CDH18: variants seen among roughly 807,000 people sequenced by gnomAD.
The protein encoded by CDH18 is cadherin 18.
In CDH18, 31 loss-of-function variants were observed where a neutral mutation model predicts 67.9. That is an observed-to-expected ratio of 0.46 (90% CI 0.34 to 0.62). CDH18 has a LOEUF of 0.62. Among genes scored for constraint, CDH18 ranks in the 20% least tolerant of loss-of-function variants. The probability of loss-of-function intolerance (pLI) is 0.01; values close to 1 mark genes in which losing one functional copy is unlikely to be tolerated. For synonymous variants in CDH18, 362 were observed against 347.2 expected (o/e 1.04, Z -0.48); for missense variants, 890 against 975.5 (o/e 0.91, Z 1.17).
At chr5:20,101,336 A>G (rs971876285) in intron 2 of CDH18, among the ~76,000 whole-genome samples, 3 of 152,220 alleles carry the variant, frequency 2.0e-5, no homozygotes, top group African/African-American at 4.8e-5. Flanking sequence ...TGCAACCAAT[A>G]AGAATCATTG....
intron 2 of CDH18, among the ~76,000 whole-genome samples, chr5:20,216,903 T>C (rs1259036303): frequency 1.3e-5 from 2 of 151,904 alleles, no homozygotes; most frequent in East Asian, 3.9e-4. Flanking sequence ...AAAAATAACA[T>C]ACAAAGAAAT....
chr5:20,460,191 G>A (rs901584977), intron 1 of CDH18, among the ~76,000 whole-genome samples: 1 of 151,866 alleles, frequency 6.6e-6, no homozygotes, highest in Admixed American at 6.6e-5. Context: ...TCAAGAGATC[G>A]AGACCATCCT....
chr5:20,330,569 A>G (rs1489309557), intron 1 of CDH18, among the ~76,000 whole-genome samples: 1 of 152,184 alleles, frequency 6.6e-6, no homozygotes, highest in Non-Finnish European at 1.5e-5. Context: ...GGCAGAGTTT[A>G]ACTGGTATAT....
At chr5:20,212,156 C>T (rs34747085) in intron 2 of CDH18, among the ~76,000 whole-genome samples, 77,440 of 151,860 alleles carry the variant, frequency 0.51, 20,132 homozygotes, top group Middle Eastern at 0.65. Context: ...GTAGCTGATT[C>T]GATCAACTGG....
At chr5:20,300,962 TA>T (rs1290898364) in intron 1 of CDH18, among the ~76,000 whole-genome samples, 2 of 152,040 alleles carry the variant, frequency 1.3e-5, no homozygotes, top group African/African-American at 2.4e-5. Flanking sequence ...TCATTCACTT[TA>T]AAAAAAATTG....
At chr5:19,746,809 C>T in intron 4 of CDH18, 133 bp downstream of exon 4, 2 of 726,320 alleles carry the variant, frequency 2.8e-6, no homozygotes, top group South Asian at 3.9e-5. Context: ...ACAAAAAATA[C>T]TAAAATATTT....
chr5:19,797,508 A>C (rs1380850316), intron 3 of CDH18, among the ~76,000 whole-genome samples: 3 of 152,018 alleles, frequency 2.0e-5, no homozygotes, highest in Non-Finnish European at 4.4e-5. Flanking sequence ...ACAAGTTGGT[A>C]GGATAGAAGA....
At chr5:19,953,948 C>CA (rs1796030417) in intron 2 of CDH18, among the ~76,000 whole-genome samples, 1 of 152,022 alleles carries the variant, frequency 6.6e-6, no homozygotes, top group Admixed American at 6.6e-5. Context: ...TATATTTTCA[C>CA]AAAAAAGTTG....
At chr5:19,975,739 T>C (rs551778307) in intron 2 of CDH18, among the ~76,000 whole-genome samples, 48 of 152,198 alleles carry the variant, frequency 3.2e-4, no homozygotes, top group Non-Finnish European at 5.6e-4. Flanking sequence ...TACTTTTTCA[T>C]TTTAAATGTT....
intron 12 of CDH18, among the ~76,000 whole-genome samples, chr5:19,474,634 G>A (rs1163909204): frequency 6.6e-6 from 1 of 152,022 alleles, no homozygotes; most frequent in African/African-American, 2.4e-5. Context: ...CACACAGATG[G>A]CAAGTGGAAG....
chr5:20,327,791 G>T (rs181290796), intron 1 of CDH18, among the ~76,000 whole-genome samples: 26 of 152,156 alleles, frequency 1.7e-4, no homozygotes, highest in African/African-American at 6.3e-4. Context: ...TTAGAGAAAA[G>T]TTCTGGGAGG....
intron 2 of CDH18, among the ~76,000 whole-genome samples, chr5:20,024,363 C>A (rs530305009): frequency 6.6e-6 from 1 of 152,000 alleles, no homozygotes; most frequent in South Asian, 2.1e-4. Context: ...AAATAATAGA[C>A]AAAGTGATCT....
chr5:20,227,102 A>C (rs556426154), intron 2 of CDH18, among the ~76,000 whole-genome samples: 9 of 151,980 alleles, frequency 5.9e-5, no homozygotes, highest in African/African-American at 2.2e-4. Context: ...ACCCAACCCT[A>C]CCATTGCCAG....
intron 2 of CDH18, among the ~76,000 whole-genome samples, chr5:19,936,908 C>T (rs1373630543): frequency 1.1e-4 from 17 of 150,918 alleles, no homozygotes; most frequent in Non-Finnish European, 1.5e-5. Context: ...CATATAGATA[C>T]AGATACTGCA....
chr5:19,593,047 A>G (rs2150033330), intron 6 of CDH18, among the ~76,000 whole-genome samples: 1 of 151,900 alleles, frequency 6.6e-6, no homozygotes, highest in East Asian at 1.9e-4. Context: ...GATAAACCAC[A>G]TTTTTCTCTA....
intron 2 of CDH18, among the ~76,000 whole-genome samples, chr5:20,251,910 C>T (rs926818673): frequency 1.3e-5 from 2 of 151,936 alleles, no homozygotes; most frequent in South Asian, 2.1e-4. Context: ...AATTCCATAC[C>T]ACATATACAT....
At chr5:20,547,660 C>G (rs1346545) in intron 1 of CDH18, among the ~76,000 whole-genome samples, 66,934 of 151,842 alleles carry the variant, frequency 0.44, 15,181 homozygotes, top group East Asian at 0.57. Context: ...ATTAGGACAT[C>G]CTAGTCAACA....
chr5:20,302,874 A>G (rs1736071664), intron 1 of CDH18, among the ~76,000 whole-genome samples: 1 of 152,196 alleles, frequency 6.6e-6, no homozygotes, highest in Non-Finnish European at 1.5e-5. Context: ...TATCTCATTC[A>G]TGTGCCCAGA....
intron 5 of CDH18, among the ~76,000 whole-genome samples, chr5:19,689,214 C>A (rs1200299658): frequency 6.6e-6 from 1 of 151,992 alleles, no homozygotes; most frequent in Admixed American, 6.6e-5. Flanking sequence ...AGGTGTTTTT[C>A]ATGGCACATT....
Sources: allele counts gnomAD v4.1 joint callset (sites outside exome capture counted in the v4.1 genomes callset), GRCh38; gene constraint gnomAD v4.1.1; transcripts MANE v1.5; gene names NCBI Gene and HGNC (gene_info 2026-07-23, HGNC 2026-07-21).